The following KLF8 variants were observed in gnomAD, a reference collection of about 807,000 sequenced individuals.
KLF8 encodes the protein KLF transcription factor 8.
In KLF8, 10 loss-of-function variants were observed where a neutral mutation model predicts 18.2. That is an observed-to-expected ratio of 0.55 (90% CI 0.34 to 0.93). The LOEUF (loss-of-function observed/expected upper bound fraction) is 0.93. Among genes scored for constraint, KLF8 ranks in the 40% least tolerant of loss-of-function variants. The pLI, the probability that KLF8 is intolerant of heterozygous loss-of-function variation, is 0.02. For synonymous variants in KLF8, 109 were observed against 97.3 expected, an observed-to-expected ratio of 1.12 and a Z score of -0.71; for missense variants, 264 against 277.9, an observed-to-expected ratio of 0.95 and a Z score of 0.36.
the KLF8 span, among the ~76,000 whole-genome samples, chrX:56,141,380 T>C: frequency 0.078 from 8,687 of 111,531 alleles, 830 homozygotes; most frequent in African/African-American, 0.27. Context: ...GTGGATTATA[T>C]TGTATTAGGT....
At chrX:56,213,632 C>A in the KLF8 span, among the ~76,000 whole-genome samples, 3 of 110,694 alleles carry the variant, frequency 2.7e-5, no homozygotes, top group East Asian at 8.5e-4. Context: ...CTAAAATGAC[C>A]TATTTCATAT....
chrX:55,946,309 C>T, the KLF8 span, among the ~76,000 whole-genome samples: 8 of 111,337 alleles, frequency 7.2e-5, no homozygotes, highest in Non-Finnish European at 1.3e-4. Flanking sequence ...TGGAATAGAA[C>T]AGAGCCCTCA....
At chrX:55,990,099 T>G in the KLF8 span, among the ~76,000 whole-genome samples, 1 of 111,964 alleles carries the variant, frequency 8.9e-6, no homozygotes, top group East Asian at 2.8e-4. Context: ...TCTCTTTTCT[T>G]CTTTATTAGT....
the KLF8 span, among the ~76,000 whole-genome samples, chrX:55,955,579 CA>C: frequency 1.8e-5 from 2 of 111,192 alleles, no homozygotes; most frequent in African/African-American, 6.5e-5. Flanking sequence ...ATTGAGCAAA[CA>C]AAAAATGTTT....
At chrX:56,250,339 G>A in intron 2 of KLF8, 35 bp downstream of exon 2, 2 of 995,013 alleles carry the variant, frequency 2.0e-6, no homozygotes, top group Non-Finnish European at 1.4e-6. Flanking sequence ...CTAATATTGG[G>A]CCATAATAGT....
At chrX:55,945,722 T>C in the KLF8 span, among the ~76,000 whole-genome samples, 4 of 111,253 alleles carry the variant, frequency 3.6e-5, no homozygotes, top group African/African-American at 1.3e-4. Flanking sequence ...GATGACATGA[T>C]TGTATATCTA....
chrX:56,084,565 C>T, the KLF8 span, among the ~76,000 whole-genome samples: 47 of 111,892 alleles, frequency 4.2e-4, no homozygotes, highest in African/African-American at 1.5e-3. Flanking sequence ...ACTCATTAAG[C>T]TTCAAAGTAT....
chrX:56,056,848 A>AG, the KLF8 span, among the ~76,000 whole-genome samples: 7 of 108,813 alleles, frequency 6.4e-5, no homozygotes, highest in Non-Finnish European at 1.3e-4. Context: ...AAAAAAAAAA[A>AG]AAAAAGAAAT....
At chrX:55,947,121 G>A in the KLF8 span, among the ~76,000 whole-genome samples, 2 of 111,071 alleles carry the variant, frequency 1.8e-5, no homozygotes, top group East Asian at 2.8e-4. Context: ...ATTTGACCCA[G>A]CCATCCCATT....
chrX:56,058,304 AT>A, the KLF8 span, among the ~76,000 whole-genome samples: 1 of 77,231 alleles, frequency 1.3e-5, no homozygotes, highest in Admixed American at 1.5e-4. Context: ...ATATATATAT[AT>A]ATATATATAT....
the KLF8 span, among the ~76,000 whole-genome samples, chrX:55,941,071 A>G: frequency 8.9e-6 from 1 of 112,126 alleles, no homozygotes; most frequent in Admixed American, 9.5e-5. Flanking sequence ...TGCCAAGTCA[A>G]TCCTAAGCCA....
the KLF8 span, among the ~76,000 whole-genome samples, chrX:56,068,633 A>G: frequency 9.0e-6 from 1 of 110,977 alleles, no homozygotes; most frequent in African/African-American, 3.3e-5. Context: ...TTCTGTGTAA[A>G]CTCAGCTAGA....
chrX:56,111,268 C>A, the KLF8 span, among the ~76,000 whole-genome samples: 2 of 111,874 alleles, frequency 1.8e-5, no homozygotes, highest in Non-Finnish European at 3.8e-5. Flanking sequence ...TCAGGATTCT[C>A]TCTTTCTCTT....
chrX:56,048,327 C>T, the KLF8 span, among the ~76,000 whole-genome samples: 2 of 112,039 alleles, frequency 1.8e-5, no homozygotes, highest in Non-Finnish European at 3.8e-5. Flanking sequence ...GTGTTTTAGA[C>T]ATGAAGCCCT....
the KLF8 span, among the ~76,000 whole-genome samples, chrX:56,025,901 C>G: frequency 1.8e-5 from 2 of 112,517 alleles, no homozygotes; most frequent in African/African-American, 6.5e-5. Flanking sequence ...ACCTCAGTGA[C>G]CTGATGTACA....
chrX:56,227,436 C>T (rs1010178971), upstream of KLF8, among the ~76,000 whole-genome samples: 6 of 109,847 alleles, frequency 5.5e-5, no homozygotes, highest in African/African-American at 1.3e-4. Context: ...CTGCAACCTC[C>T]GCCTCCCGGG....
chrX:55,975,884 C>T, the KLF8 span, among the ~76,000 whole-genome samples: 425 of 111,424 alleles, frequency 3.8e-3, 2 homozygotes, highest in Non-Finnish European at 6.4e-3. Flanking sequence ...CTGAGGCGGG[C>T]GGATCACCTG....
chrX:56,244,354 A>AT (rs958393681), intron 1 of KLF8, among the ~76,000 whole-genome samples: 2 of 111,020 alleles, frequency 1.8e-5, no homozygotes, highest in Non-Finnish European at 3.8e-5. Context: ...TGCCTGGCTA[A>AT]TTTTTAAATT....
At chrX:56,206,968 G>T in the KLF8 span, among the ~76,000 whole-genome samples, 11 of 112,458 alleles carry the variant, frequency 9.8e-5, no homozygotes, top group Admixed American at 7.5e-4. Flanking sequence ...TGCACCCACC[G>T]GCCCAAAACC....
Sources: allele counts gnomAD v4.1 joint callset (sites outside exome capture counted in the v4.1 genomes callset), GRCh38; gene constraint gnomAD v4.1.1; transcripts MANE v1.5; gene names NCBI Gene and HGNC (gene_info 2026-07-23, HGNC 2026-07-21).